PEX11G: variants seen among roughly 807,000 people sequenced by gnomAD.
The protein encoded by PEX11G is peroxisomal membrane protein 11C.
PEX11G carries 20 observed loss-of-function variants against 22.5 expected under a neutral mutation model. That is an observed-to-expected ratio of 0.89 (90% confidence interval 0.62 to 1.29). PEX11G has a LOEUF of 1.29. Among genes scored for constraint, PEX11G ranks in the 50% most tolerant of loss-of-function variants. The pLI is 0.00. For synonymous variants in PEX11G, 141 were observed against 154.5 expected (o/e 0.91, Z 0.65); for missense variants, 347 against 331.3 (o/e 1.05, Z -0.37).
At chr19:7,486,976 G>A (rs1052689855) in intron 1 of PEX11G, among the ~76,000 whole-genome samples, 1 of 151,788 alleles carries the variant, frequency 6.6e-6, no homozygotes, top group South Asian at 2.1e-4. Flanking sequence ...GAGCCCAGGA[G>A]TTCCAGACTG....
At chr19:7,485,429 C>A (rs1263890780) in intron 2 of PEX11G, among the ~76,000 whole-genome samples, 2 of 152,090 alleles carry the variant, frequency 1.3e-5, no homozygotes, top group African/African-American at 4.8e-5. Context: ...GATCTCGGCT[C>A]ACTGCAAGCT....
At chr19:7,478,129 G>A (rs145154046) in intron 4 of PEX11G, among the ~76,000 whole-genome samples, 185 bp downstream of exon 4, 219 of 152,332 alleles carry the variant, frequency 1.4e-3, no homozygotes, top group African/African-American at 5.1e-3. Flanking sequence ...TGGAGTCCCC[G>A]CTCAAGCAAG....
At chr19:7,484,615 A>C (rs2021552015) in intron 2 of PEX11G, among the ~76,000 whole-genome samples, 1 of 152,046 alleles carries the variant, frequency 6.6e-6, no homozygotes, top group Non-Finnish European at 1.5e-5. Context: ...TCTACTAAAA[A>C]TACAAAAATT....
At chr19:7,486,655 G>A (rs998414382) in intron 1 of PEX11G, among the ~76,000 whole-genome samples, 8 of 150,792 alleles carry the variant, frequency 5.3e-5, no homozygotes, top group East Asian at 2.0e-4. Context: ...GCTGGAGTGC[G>A]GTGGCGCGAT....
chr19:7,489,124 T>TC (rs1259411935), upstream of PEX11G: 9 of 1,285,568 alleles, frequency 7.0e-6, no homozygotes, highest in Admixed American at 3.9e-5. Context: ...CAGGCCTTTG[T>TC]CCCCCTGACC....
intron 2 of PEX11G, among the ~76,000 whole-genome samples, chr19:7,482,833 G>T (rs1977558066): frequency 6.6e-6 from 1 of 152,242 alleles, no homozygotes; most frequent in African/African-American, 2.4e-5. Flanking sequence ...CGGCCACGCT[G>T]AGGCTCTCAG....
chr19:7,494,931 C>A (rs2021951180), intron 1 of PEX11G, among the ~76,000 whole-genome samples: 1 of 152,194 alleles, frequency 6.6e-6, no homozygotes, highest in African/African-American at 2.4e-5. Flanking sequence ...AACGGCTGTT[C>A]CTTACCAAGC....
chr19:7,485,178 G>A (rs995458460), intron 2 of PEX11G, among the ~76,000 whole-genome samples: 1 of 151,546 alleles, frequency 6.6e-6, no homozygotes, highest in African/African-American at 2.4e-5. Context: ...TTTTTTGTTT[G>A]TTTTATTTGA....
At chr19:7,487,073 A>T (rs931343038) in intron 1 of PEX11G, among the ~76,000 whole-genome samples, 1 of 152,150 alleles carries the variant, frequency 6.6e-6, no homozygotes, top group African/African-American at 2.4e-5. Context: ...AAGAAAAAAA[A>T]AGCTGGAAGT....
chr19:7,489,072 G>C (rs1037559447), upstream of PEX11G: 12 of 1,431,344 alleles, frequency 8.4e-6, no homozygotes, highest in Non-Finnish European at 1.1e-5. Flanking sequence ...GCCAGGCCGG[G>C]GTACCGGGAG....
intron 3 of PEX11G, among the ~76,000 whole-genome samples, chr19:7,481,665 A>G (rs960377396): frequency 6.6e-6 from 1 of 152,148 alleles, no homozygotes; most frequent in Non-Finnish European, 1.5e-5. Context: ...AGGGGCCATG[A>G]GCCAAGGAAT....
upstream of PEX11G, among the ~76,000 whole-genome samples, chr19:7,492,333 C>T (rs1238576270): frequency 2.0e-5 from 3 of 152,178 alleles, no homozygotes; most frequent in East Asian, 5.8e-4. Context: ...CTTGCAACAT[C>T]CTTTTTTGAT....
chr19:7,478,115 G>A (rs1977315615), intron 4 of PEX11G, among the ~76,000 whole-genome samples, 199 bp downstream of exon 4: 1 of 152,242 alleles, frequency 6.6e-6, no homozygotes, highest in Non-Finnish European at 1.5e-5. Context: ...TGAAGGCTCA[G>A]CCCTGGAGTC....
intron 1 of PEX11G, 104 bp from the exon 2 acceptor site, chr19:7,486,130 G>A (rs2021644618): frequency 5.0e-6 from 5 of 1,008,442 alleles, no homozygotes; most frequent in Non-Finnish European, 7.0e-6. Context: ...GAGTGTGGAA[G>A]ATTCTCTTTT....
At position 7,488,956 on chromosome 19, in the gene PEX11G, G is replaced by T. The variant is rs780777806; in HGVS notation, c.55C>A (p.Arg19Ser). 6.4e-7 allele frequency: 1 copy of T among 1,553,778 alleles called. No individual in the cohort carries two copies. Among genetic ancestry groups the T allele is most frequent in the Non-Finnish European group, 8.7e-7 (1 of 1,150,524 alleles). The change falls in exon 1 of 5, where the codon CGC becomes AGC. Residue 19 changes from arginine to serine, a missense_variant. Physicochemically the swap from Arg to Ser is moderately radical, Grantham distance 110. Transcript: ENST00000221480. ...CCGGTCCGCCCCTGCCTCACCAGGC[G>T]GTCCCGGCCCCTGTACGACTCCAGC... is the stretch of plus-strand genomic sequence containing the variant. ...SALESYRGRD[R>S]LIRVLGYCCQ...
chr19:7,494,536 G>A (rs1033893433), intron 1 of PEX11G, among the ~76,000 whole-genome samples: 5 of 152,190 alleles, frequency 3.3e-5, no homozygotes, highest in South Asian at 2.1e-4. Context: ...GCATTTGCCC[G>A]AATGCTTCCT....
intron 3 of PEX11G, among the ~76,000 whole-genome samples, chr19:7,479,335 T>G (rs1421465086): frequency 1.3e-5 from 2 of 151,968 alleles, no homozygotes; most frequent in African/African-American, 4.8e-5. Flanking sequence ...AATACAAAAA[T>G]TAGCTGGGGG....
chr19:7,478,982 G>C (rs1306432388), intron 3 of PEX11G, among the ~76,000 whole-genome samples: 2 of 152,248 alleles, frequency 1.3e-5, no homozygotes, highest in African/African-American at 4.8e-5. Context: ...ACCCGGGCCA[G>C]TCCACCAGGC....
intron 2 of PEX11G, among the ~76,000 whole-genome samples, chr19:7,485,620 G>A (rs2021609444): frequency 6.6e-6 from 1 of 152,122 alleles, no homozygotes; most frequent in Non-Finnish European, 1.5e-5. Flanking sequence ...CTCCCAAAGT[G>A]CTGGGATTAC....
Sources: allele counts gnomAD v4.1 joint callset (sites outside exome capture counted in the v4.1 genomes callset), GRCh38; gene constraint gnomAD v4.1.1; transcripts MANE v1.5; gene names NCBI Gene and HGNC (gene_info 2026-07-23, HGNC 2026-07-21).